GTF2E2: variants seen among roughly 807,000 people sequenced by gnomAD.
GTF2E2 encodes transcription initiation factor IIE subunit beta.
Under a neutral mutation model 40.5 loss-of-function variants are expected in GTF2E2, and 21 were observed. The observed-to-expected ratio is 0.52, with a 90% CI of 0.37 to 0.75. The LOEUF (loss-of-function observed/expected upper bound fraction) is 0.75. GTF2E2 is among the 30% of genes least tolerant of loss of function. The probability of loss-of-function intolerance (pLI) is 0.00; values close to 1 mark genes in which losing one functional copy is unlikely to be tolerated. For synonymous variants in GTF2E2, 117 were observed against 121.6 expected (o/e 0.96, Z 0.25); for missense variants, 298 against 338.4 (o/e 0.88, Z 0.94).
intron 6 of GTF2E2, among the ~76,000 whole-genome samples, chr8:30,606,839 G>T (rs1389553694): frequency 6.6e-6 from 1 of 152,116 alleles, no homozygotes; most frequent in Non-Finnish European, 1.5e-5. Context: ...AACTGCGATT[G>T]TAAGTATAAT....
intron 6 of GTF2E2, among the ~76,000 whole-genome samples, chr8:30,602,245 T>C (rs573626881): frequency 1.3e-5 from 2 of 152,286 alleles, no homozygotes; most frequent in Admixed American, 1.3e-4. Context: ...CTTGAAATCC[T>C]GACCTCAAGT....
intron 2 of GTF2E2, chr8:30,645,351 T>A: frequency 6.5e-7 from 1 of 1,535,714 alleles, no homozygotes; most frequent in Non-Finnish European, 8.7e-7. Flanking sequence ...CCTCTGTTTA[T>A]CAGTACCTTG....
At chr8:30,642,388 T>C (rs1801877116) in intron 2 of GTF2E2, among the ~76,000 whole-genome samples, 1 of 151,962 alleles carries the variant, frequency 6.6e-6, no homozygotes, top group Non-Finnish European at 1.5e-5. Context: ...TACTAATCCA[T>C]ATTGTTGGCT....
At chr8:30,651,728 T>C (rs1335717002) in intron 2 of GTF2E2, among the ~76,000 whole-genome samples, 3 of 152,234 alleles carry the variant, frequency 2.0e-5, no homozygotes, top group African/African-American at 7.2e-5. Context: ...CAAATGTTGA[T>C]AGATTGACCC....
intron 2 of GTF2E2, among the ~76,000 whole-genome samples, chr8:30,648,008 T>C (rs1442697294): frequency 3.3e-5 from 5 of 151,764 alleles, no homozygotes; most frequent in African/African-American, 4.8e-5. Context: ...TCAAAAAGAG[T>C]AGTGATATGG....
At chr8:30,613,144 T>C (rs373935527) in intron 4 of GTF2E2, among the ~76,000 whole-genome samples, 1 of 152,206 alleles carries the variant, frequency 6.6e-6, no homozygotes, top group African/African-American at 2.4e-5. Flanking sequence ...CAAATATTAA[T>C]AGACAAAGTG....
At chr8:30,632,068 C>T (rs957170018) in intron 3 of GTF2E2, among the ~76,000 whole-genome samples, 1 of 152,098 alleles carries the variant, frequency 6.6e-6, no homozygotes, top group Non-Finnish European at 1.5e-5. Context: ...CAGGATGGTG[C>T]CAATGCACTC....
chr8:30,636,405 G>A (rs1045494548), intron 2 of GTF2E2, among the ~76,000 whole-genome samples: 1 of 152,118 alleles, frequency 6.6e-6, no homozygotes. Context: ...CAAGTCAAAT[G>A]TAACAACTGT....
chr8:30,601,060 G>GTTTTGT (rs1263687076), intron 6 of GTF2E2, among the ~76,000 whole-genome samples: 2 of 152,170 alleles, frequency 1.3e-5, no homozygotes, highest in Non-Finnish European at 2.9e-5. Flanking sequence ...AACTTGTTTT[G>GTTTTGT]TTTTGTTTTT....
chr8:30,590,960 G>C (rs1489994300), intron 6 of GTF2E2, among the ~76,000 whole-genome samples: 1 of 152,052 alleles, frequency 6.6e-6, no homozygotes, highest in African/African-American at 2.4e-5. Flanking sequence ...CAAAGTGCTG[G>C]GATTACAGGT....
intron 6 of GTF2E2, among the ~76,000 whole-genome samples, chr8:30,603,381 T>C (rs1459896375): frequency 6.6e-6 from 1 of 152,026 alleles, no homozygotes; most frequent in East Asian, 1.9e-4. Flanking sequence ...AAGCCAGCCA[T>C]ATGCCATCTA....
chr8:30,644,157 A>C (rs905542443), intron 2 of GTF2E2, among the ~76,000 whole-genome samples: 1 of 152,218 alleles, frequency 6.6e-6, no homozygotes, highest in African/African-American at 2.4e-5. Flanking sequence ...CTATAGTTCC[A>C]TACTGACAAA....
chr8:30,587,676 C>A (rs1250402960), intron 6 of GTF2E2, among the ~76,000 whole-genome samples: 1 of 151,874 alleles, frequency 6.6e-6, no homozygotes. Flanking sequence ...AGTTCGAGAC[C>A]AGCCTGGCCA....
intron 6 of GTF2E2, among the ~76,000 whole-genome samples, chr8:30,581,345 T>G (rs1362465584): frequency 1.3e-5 from 2 of 152,142 alleles, no homozygotes; most frequent in African/African-American, 4.8e-5. Context: ...CTTCCCACGG[T>G]CCGTTTACAA....
At chr8:30,650,892 T>C (rs1802251587) in intron 2 of GTF2E2, among the ~76,000 whole-genome samples, 1 of 151,826 alleles carries the variant, frequency 6.6e-6, no homozygotes, top group African/African-American at 2.4e-5. Context: ...TGGGTGCCTG[T>C]AGTCCCAGCT....
intron 3 of GTF2E2, among the ~76,000 whole-genome samples, chr8:30,619,780 C>T (rs1288652294): frequency 6.6e-6 from 1 of 151,972 alleles, no homozygotes; most frequent in African/African-American, 2.4e-5. Context: ...GATTTATAGC[C>T]GCTGAGTGAA....
chr8:30,579,508 A>G (rs950317490), intron 7 of GTF2E2, among the ~76,000 whole-genome samples: 1 of 152,228 alleles, frequency 6.6e-6, no homozygotes, highest in African/African-American at 2.4e-5. Flanking sequence ...AAATGAGACA[A>G]TAATAGGAAA....
At position 30,644,173 on chromosome 8, in the gene GTF2E2, G is replaced by C. The variant is rs1801970801; in HGVS notation, c.167-9050C>G. On this transcript the variant is annotated intron_variant, in intron 2 of 7. Transcript: ENST00000355904. The stretch of plus-strand genomic sequence containing the variant: ...TATAGTTCCATACTGACAAATCTTT[G>C]ATTCTAACAGTCCCCATTTAAGAGC... 2.6e-5 allele frequency among the ~76,000 whole-genome samples: 4 copies of C among 152,270 alleles called. No homozygotes were observed. The South Asian group carries it at 8.3e-4, about 32-fold the overall frequency.
chr8:30,598,935 G>A (rs2978280), intron 6 of GTF2E2, among the ~76,000 whole-genome samples: 6,402 of 152,200 alleles, frequency 0.042, 204 homozygotes, highest in African/African-American at 0.086. Flanking sequence ...AAGGCAGGAG[G>A]ATCGTTTGGC....
Sources: gnomAD v4.1 joint callset for allele counts (sites outside exome capture counted in the v4.1 genomes callset) on GRCh38, gnomAD v4.1.1 for gene constraint, MANE v1.5 for transcripts, NCBI Gene and HGNC (gene_info 2026-07-23, HGNC 2026-07-21) for gene names.